The following AGAP1 variants were observed in gnomAD, a reference collection of about 807,000 sequenced individuals.
The protein encoded by AGAP1 is ArfGAP with GTPase domain, ankyrin repeat and PH domain 1, also known as arf-GAP with GTPase, ANK repeat and PH domain-containing protein 1.
A neutral mutation model predicts 105.3 loss-of-function variants in AGAP1; 29 were observed. The observed-to-expected ratio is 0.28, with a 90% confidence interval of 0.21 to 0.38. The LOEUF (loss-of-function observed/expected upper bound fraction) is 0.38. AGAP1 is among the 10% of genes least tolerant of loss of function. AGAP1 has a pLI of 1.00. For missense variants in AGAP1, 998 were observed against 1,165.1 expected, an observed-to-expected ratio of 0.86 and a Z score of 2.09; for synonymous variants, 509 against 485.9, an observed-to-expected ratio of 1.05 and a Z score of -0.63.
rs758924390 is a variant in AGAP1, at chr2:235,963,511, G to A, written c.1484-4951G>A. Among the ~76,000 whole-genome samples, 27 of 152,328 alleles carry A rather than the reference G, an allele frequency of 1.8e-4. No homozygotes were observed. The highest frequency in any genetic ancestry group is 2.8e-4 in the Non-Finnish European group (19 of 68,026). ...TATCGTTTTCAGTTGTCAAAAATAC[G>A]TGTGAGTTGGGTACCATATAGCCCT... On this transcript the variant is annotated intron_variant, in intron 12 of 17. Coordinates refer to ENST00000304032, the MANE Select transcript of AGAP1 (RefSeq NM_001037131.3). This position sits in a 1 kb window ranked among gnomAD's most constrained non-coding sequence, Gnocchi z 5.1.
chr2:235,646,980 C>G (rs1186828755), intron 1 of AGAP1, among the ~76,000 whole-genome samples: 2 of 151,964 alleles, frequency 1.3e-5, no homozygotes, highest in African/African-American at 2.4e-5. Flanking sequence ...CTAAAAAATA[C>G]AAAAAATTAG....
chr2:235,549,930 C>T lies in AGAP1; in HGVS notation c.163+55081C>T, dbSNP rs1943751447. 6.6e-6 allele frequency among the ~76,000 whole-genome samples: 1 copy of T among 152,170 alleles called. No homozygotes were observed. The highest frequency in any genetic ancestry group is 1.5e-5 in the Non-Finnish European group (1 of 68,042). On this transcript the variant is annotated intron_variant, in intron 1 of 17. Transcript: ENST00000304032. The surrounding 1 kb of genome is among the most constrained non-coding windows in gnomAD (Gnocchi z 4.2). ...GGCTGGGGACGTTTTCGGATGACCA[C>T]AGGTGTGAAGCTGTCTTCAGTGGTG...
chr2:235,637,453 T>A lies in AGAP1; in HGVS notation c.164-71726T>A, dbSNP rs190115377. ...ATGCCTAGCTAATTGTATTATTATT[T>A]TTTTTTTTTTGTAGAGACAGGGTCT... On this transcript the variant is annotated intron_variant, in intron 1 of 17. Transcript: ENST00000304032. Among the ~76,000 whole-genome samples the A allele has an allele frequency of 3.4e-3, 518 of 151,714 alleles. 2 individuals carry two copies. Among genetic ancestry groups the A allele is most frequent in the African/African-American group, 6.5e-3 (268 of 41,294 alleles).
chr2:235,987,312 T>C (rs1045793336), intron 13 of AGAP1, among the ~76,000 whole-genome samples: 1 of 152,042 alleles, frequency 6.6e-6, no homozygotes, highest in African/African-American at 2.4e-5. Flanking sequence ...TATTCTCTGA[T>C]GGTAGTTTGT....
rs577924197 is a variant in AGAP1, at chr2:235,992,169, G to A, written c.1645+23546G>A. 2.5e-4 allele frequency among the ~76,000 whole-genome samples: 38 copies of A among 151,618 alleles called. No homozygotes were observed. The highest frequency in any genetic ancestry group is 8.2e-4 in the African/African-American group (34 of 41,366). On this transcript the variant is annotated intron_variant, in intron 13 of 17. Transcript: ENST00000304032. This position sits in a 1 kb window ranked among gnomAD's most constrained non-coding sequence, Gnocchi z 4.8. ...CGGAGGAGCCTGTCTTCCTGGGTCC[G>A]AGTTGCGTGGTTAGGAGCGCAGCGG... is the stretch of plus-strand genomic sequence containing the variant.
chr2:236,057,751 A>G (rs1371973093), intron 16 of AGAP1, among the ~76,000 whole-genome samples: 8 of 152,194 alleles, frequency 5.3e-5, no homozygotes, highest in African/African-American at 1.4e-4. Context: ...TGCCATTTTA[A>G]TTTTAAAAAC....
chr2:235,830,588 T>G lies in AGAP1; in HGVS notation c.1050+23257T>G, dbSNP rs1232553074. Among the ~76,000 whole-genome samples, 1 of 149,374 alleles carries G rather than the reference T, an allele frequency of 6.7e-6. No individual in the cohort carries two copies. Among genetic ancestry groups the G allele is most frequent in the African/African-American group, 2.5e-5 (1 of 40,666 alleles). ...TGCTGAGCACTCTTTGTGAGATACT[T>G]TGGGGGCTCAGGGGGCTTGGAGTTT... is the stretch of plus-strand genomic sequence containing the variant. On this transcript the variant is annotated intron_variant, in intron 9 of 17. Coordinates refer to ENST00000304032, the MANE Select transcript of AGAP1 (RefSeq NM_001037131.3). This position sits in a 1 kb window ranked among gnomAD's most constrained non-coding sequence, Gnocchi z 5.5.
intron 1 of AGAP1, among the ~76,000 whole-genome samples, chr2:235,653,912 C>T (rs1038677637): frequency 5.3e-5 from 8 of 152,032 alleles, no homozygotes; most frequent in Non-Finnish European, 1.2e-4. Flanking sequence ...CAAAATTAGC[C>T]GGGAGTGGTG....
chr2:236,083,383 C>G lies in AGAP1; in HGVS notation c.2114+34102C>G, dbSNP rs1379423879. ...GTGGCTTTGGAGGCTGATATTTTCT[C>G]TAAAGGAAAGATTAAAGGATTGTTT... On this transcript the variant is annotated intron_variant, in intron 16 of 17. Transcript: ENST00000304032. This position sits in a 1 kb window ranked among gnomAD's most constrained non-coding sequence, Gnocchi z 5.3. Among the ~76,000 whole-genome samples the G allele has an allele frequency of 6.6e-6, 1 of 152,140 alleles. No individual in the cohort carries two copies. Among genetic ancestry groups the G allele is most frequent in the East Asian group, 1.9e-4 (1 of 5,198 alleles).
intron 7 of AGAP1, 85 bp downstream of exon 7, chr2:235,797,971 T>A: frequency 1.3e-6 from 2 of 1,504,690 alleles, no homozygotes; most frequent in South Asian, 2.6e-5. Flanking sequence ...AAGGTTGATT[T>A]TTTTTTTCTT....
At position 235,705,236 on chromosome 2, in the gene AGAP1, C is replaced by T. The variant is rs565543998; in HGVS notation, c.164-3943C>T. 6.6e-6 allele frequency among the ~76,000 whole-genome samples: 1 copy of T among 152,260 alleles called. No homozygotes were observed. Among genetic ancestry groups the T allele is most frequent in the South Asian group, 2.1e-4 (1 of 4,820 alleles). ...TCAGGTGATCTGCGCGCCTCGGCCT[C>T]CTAAAGTGTTGGGATTACAGGCGTG... On this transcript the variant is annotated intron_variant, in intron 1 of 17. Transcript: ENST00000304032. This position sits in a 1 kb window ranked among gnomAD's most constrained non-coding sequence, Gnocchi z 4.9.
At chr2:236,043,383 G>C (rs1248844930) in intron 15 of AGAP1, among the ~76,000 whole-genome samples, 1 of 152,304 alleles carries the variant, frequency 6.6e-6, no homozygotes, top group African/African-American at 2.4e-5. Context: ...CAATTGAAGA[G>C]CAGTTCATGG....
chr2:235,500,351 C>T (rs981152528), intron 1 of AGAP1, among the ~76,000 whole-genome samples: 1 of 152,000 alleles, frequency 6.6e-6, no homozygotes, highest in Admixed American at 6.6e-5. Flanking sequence ...CCCTCCCATA[C>T]CTCCCGAGTT....
At chr2:236,108,704 C>T (rs1195486700) in intron 16 of AGAP1, among the ~76,000 whole-genome samples, 2 of 152,102 alleles carry the variant, frequency 1.3e-5, no homozygotes, top group Non-Finnish European at 2.9e-5. Context: ...GTTTTGTAGA[C>T]GTGCTCAGAA....
At position 236,005,232 on chromosome 2, in the gene AGAP1, G is replaced by A. The variant is rs73118094; in HGVS notation, c.1646-31329G>A. Among the ~76,000 whole-genome samples, 2,391 of 152,082 alleles carry A rather than the reference G, an allele frequency of 0.016. 78 individuals are homozygous for A. The highest frequency in any genetic ancestry group is 0.055 in the African/African-American group (2,271 of 41,470). On this transcript the variant is annotated intron_variant, in intron 13 of 17. Transcript: ENST00000304032. The surrounding 1 kb of genome is among the most constrained non-coding windows in gnomAD (Gnocchi z 4.1). ...TGCAATCTTGGCTCTTGCAACCTCC[G>A]CCTCCCAGACTCAAGCGATTCTTGC... is the stretch of plus-strand genomic sequence containing the variant.
rs966761857 is a variant in AGAP1 at position 235,608,006 on chromosome 2, G to C, written c.164-101173G>C. On this transcript the variant is annotated intron_variant, in intron 1 of 17. Transcript: ENST00000304032. This position sits in a 1 kb window ranked among gnomAD's most constrained non-coding sequence, Gnocchi z 5.4. The stretch of plus-strand genomic sequence containing the variant: ...TGCCTCAAGTGAGCGAGTGCCTGCT[G>C]TCTCAGACATGAGGTGGATGCTGAA... Among the ~76,000 whole-genome samples, 2 of 152,234 alleles carry C rather than the reference G, an allele frequency of 1.3e-5. No individual in the cohort carries two copies. Among genetic ancestry groups the C allele is most frequent in the Non-Finnish European group, 2.9e-5 (2 of 68,046 alleles).
At chr2:236,023,910 C>T (rs7557044) in intron 13 of AGAP1, among the ~76,000 whole-genome samples, 95,036 of 151,880 alleles carry the variant, frequency 0.63, 30,730 homozygotes, top group South Asian at 0.8. Context: ...CTCATCCGGT[C>T]ATTGAAGAAC....
At chr2:235,605,052 T>C (rs529725095) in intron 1 of AGAP1, among the ~76,000 whole-genome samples, 27 of 152,094 alleles carry the variant, frequency 1.8e-4, no homozygotes, top group South Asian at 6.2e-4. Context: ...CTAATTTTTG[T>C]ATTTTTAGTA....
intron 6 of AGAP1, among the ~76,000 whole-genome samples, chr2:235,782,386 A>G (rs946096402): frequency 2.6e-5 from 4 of 152,170 alleles, no homozygotes; most frequent in Admixed American, 6.5e-5. Context: ...TACTTTGACA[A>G]TGTCACCATT....
Sources: allele counts gnomAD v4.1 joint callset (sites outside exome capture counted in the v4.1 genomes callset), GRCh38; gene constraint gnomAD v4.1.1; non-coding constraint Gnocchi (gnomAD v3.1); transcripts MANE v1.5; gene names NCBI Gene and HGNC (gene_info 2026-07-23, HGNC 2026-07-21).